The following TMEM175 variants were observed in gnomAD, a reference collection of about 807,000 sequenced individuals.
TMEM175 encodes transmembrane protein 175.
TMEM175 carries 36 observed loss-of-function variants against 36.5 expected under a neutral mutation model. That is an observed-to-expected ratio of 0.99 (90% CI 0.76 to 1.30). The LOEUF (loss-of-function observed/expected upper bound fraction) is 1.30, where lower values mean the gene tolerates loss of function less well. Ranked by LOEUF, TMEM175 falls within the 50% of genes most tolerant of loss-of-function variation. The pLI, the probability that TMEM175 is intolerant of heterozygous loss-of-function variation, is 0.00. For synonymous variants in TMEM175, 339 were observed against 313.4 expected, an observed-to-expected ratio of 1.08 and a Z score of -0.86; for missense variants, 705 against 692.8, an observed-to-expected ratio of 1.02 and a Z score of -0.20.
At position 958,394 on chromosome 4, in the gene TMEM175, CACCCTGCGG is replaced by C. The variant is rs776401366; in HGVS notation, c.1414_1422del (p.Thr472_Arg474del). 1.4e-5 allele frequency: 23 copies of C among 1,601,420 alleles called. No individual in the cohort carries two copies. The highest frequency in any genetic ancestry group is 1.6e-5 in the Non-Finnish European group (19 of 1,179,626). On this transcript the variant is annotated inframe_deletion, in exon 11 of 11. Transcript: ENST00000264771. ...GCCTGCTCGTGGGCCTGGCCCTGGCCACCCTGCGGGTCCTGCGGGGCCTCGCCCGGCCCG... is the reference window on the plus strand; with the variant it reads ...GCCTGCTCGTGGGCCTGGCCCTGGCCGTCCTGCGGGGCCTCGCCCGGCCCG...
intron 7 of TMEM175, 36 bp from the exon 8 acceptor site, chr4:953,145 CCTCTGCTCT>C: frequency 6.5e-7 from 1 of 1,548,934 alleles, no homozygotes; most frequent in Non-Finnish European, 8.7e-7. Flanking sequence ...GTGGGGGCCC[CCTCTGCTCT>C]TGGGGCCTGT....
At chr4:948,805 G>T (rs1245193690) in intron 3 of TMEM175, among the ~76,000 whole-genome samples, 3 of 152,266 alleles carry the variant, frequency 2.0e-5, no homozygotes, top group African/African-American at 7.2e-5. Context: ...TGACCACGTA[G>T]CCCTTCCTGG....
intron 1 of TMEM175, among the ~76,000 whole-genome samples, chr4:944,916 C>T (rs140817445): frequency 2.0e-5 from 3 of 152,194 alleles, no homozygotes; most frequent in African/African-American, 7.2e-5. Flanking sequence ...GCCTGGGCAA[C>T]ATGATGAAAC....
chr4:952,012 G>A, intron 6 of TMEM175: 1 of 586,086 alleles, frequency 1.7e-6, no homozygotes, highest in South Asian at 2.0e-5. Flanking sequence ...AGCCCCTACA[G>A]CCTCCGACCA....
chr4:952,453 AG>A lies in TMEM175; in HGVS notation c.462+8del, dbSNP rs1560492673. 6.4e-7 allele frequency: 1 copy of A among 1,565,732 alleles called. No homozygotes were observed. Among genetic ancestry groups the A allele is most frequent in the South Asian group, 1.1e-5 (1 of 87,804 alleles). On this transcript the variant is annotated splice_donor_region_variant and intron_variant, in intron 7 of 10. Transcript: ENST00000264771. ...TGATCGCCATTGGGGTCGTGCAGGTAGGGGGCCTGGGGGGCCTGCACTGTGT... is the reference window on the plus strand; with the variant it reads ...TGATCGCCATTGGGGTCGTGCAGGTAGGGGCCTGGGGGGCCTGCACTGTGT...
chr4:951,353 C>T, intron 5 of TMEM175, 95 bp downstream of exon 5: 1 of 1,399,548 alleles, frequency 7.1e-7, no homozygotes, highest in East Asian at 2.3e-5. Context: ...TCTCTCGTGA[C>T]CTCCAGGGAG....
chr4:953,248 G>T lies in TMEM175; in HGVS notation c.521G>T (p.Arg174Leu), dbSNP rs778488006. 1 of 1,613,856 alleles carries T rather than the reference G, an allele frequency of 6.2e-7. No individual in the cohort carries two copies. Among genetic ancestry groups the T allele is most frequent in the South Asian group, 1.1e-5 (1 of 91,076 alleles). The change falls in exon 8 of 11, where the codon CGC becomes CTC. Residue 174 changes from arginine (R) to leucine (L), a missense_variant. By Grantham distance (102) the Arg-to-Leu change is moderately radical. Coordinates refer to ENST00000264771, the MANE Select transcript of TMEM175 (RefSeq NM_032326.4). ...FPHLLSPQIQ[R>L]SAHRALYRRH... is the part of the protein sequence containing the mutation. ...CACCTGCTGAGCCCGCAGATCCAGCGCTCTGCCCACAGGGCTCTGTACCGA... is the reference window on the plus strand; with the variant it reads ...CACCTGCTGAGCCCGCAGATCCAGCTCTCTGCCCACAGGGCTCTGTACCGA...
chr4:941,890 T>TAA (rs1208067609), intron 1 of TMEM175, among the ~76,000 whole-genome samples: 1 of 151,674 alleles, frequency 6.6e-6, no homozygotes, highest in South Asian at 2.1e-4. Context: ...CATGTCTTTA[T>TAA]AAAAAAAGAA....
chr4:938,691 G>A (rs1011364438), intron 1 of TMEM175, among the ~76,000 whole-genome samples: 1 of 152,110 alleles, frequency 6.6e-6, no homozygotes, highest in South Asian at 2.1e-4. Context: ...TGGGATAAAT[G>A]TGAAAAAAGA....
intron 10 of TMEM175, chr4:956,816 G>GGGAACCC (rs1278436565): frequency 3.0e-5 from 8 of 269,880 alleles, no homozygotes; most frequent in Middle Eastern, 2.7e-3. Flanking sequence ...TCATAGTTCA[G>GGGAACCC]CACTGTGACC....
At chr4:935,959 A>T (rs1371780100) in intron 1 of TMEM175, among the ~76,000 whole-genome samples, 1 of 152,254 alleles carries the variant, frequency 6.6e-6, no homozygotes, top group Non-Finnish European at 1.5e-5. Context: ...TTTGAACAGA[A>T]TGAAAATGAA....
At chr4:934,120 C>T (rs1013642452) in intron 1 of TMEM175, among the ~76,000 whole-genome samples, 2 of 152,204 alleles carry the variant, frequency 1.3e-5, no homozygotes, top group East Asian at 1.9e-4. Flanking sequence ...CCAGCCAGTG[C>T]GTTTGTCTGG....
chr4:952,678 G>C (rs1002686790), intron 7 of TMEM175, among the ~76,000 whole-genome samples: 8 of 147,356 alleles, frequency 5.4e-5, no homozygotes, highest in African/African-American at 1.8e-4. Context: ...AGTGCTCTTG[G>C]GGCCCGGGGT....
At chr4:948,536 G>C in intron 3 of TMEM175, 3 of 1,367,392 alleles carry the variant, frequency 2.2e-6, no homozygotes, top group Admixed American at 2.2e-5. Context: ...GGCCCCTTAC[G>C]TAGCTGCTCT....
At chr4:942,248 G>A (rs1727611007) in intron 1 of TMEM175, among the ~76,000 whole-genome samples, 2 of 152,056 alleles carry the variant, frequency 1.3e-5, no homozygotes, top group South Asian at 4.2e-4. Context: ...TGTATTTTTA[G>A]TAGAGACGAG....
At chr4:943,293 C>G (rs1213154653) in intron 1 of TMEM175, among the ~76,000 whole-genome samples, 2 of 152,142 alleles carry the variant, frequency 1.3e-5, no homozygotes, top group South Asian at 4.1e-4. Context: ...ACTCTGTCTC[C>G]CAGCCTGGAG....
chr4:938,225 C>T (rs1017691903), intron 1 of TMEM175, among the ~76,000 whole-genome samples: 2 of 152,306 alleles, frequency 1.3e-5, no homozygotes, highest in South Asian at 4.1e-4. Context: ...GGGCTGGGGC[C>T]AGGCACAGTG....
intron 1 of TMEM175, among the ~76,000 whole-genome samples, chr4:938,882 A>G (rs1029344547): frequency 2.0e-5 from 3 of 152,258 alleles, no homozygotes; most frequent in Admixed American, 2.0e-4. Context: ...TTTGACACAT[A>G]GATTCTAAAA....
chr4:933,047 G>A (rs1726232085), intron 1 of TMEM175, among the ~76,000 whole-genome samples: 1 of 152,216 alleles, frequency 6.6e-6, no homozygotes, highest in African/African-American at 2.4e-5. Flanking sequence ...AAATCCTCAT[G>A]AACCACTTGG....
Sources: allele counts gnomAD v4.1 joint callset (sites outside exome capture counted in the v4.1 genomes callset), GRCh38; gene constraint gnomAD v4.1.1; transcripts MANE v1.5; gene names NCBI Gene and HGNC (gene_info 2026-07-23, HGNC 2026-07-21).